Variants in TRPC4AP observed in about 807,000 individuals in gnomAD.
TRPC4AP encodes the protein short transient receptor potential channel 4-associated protein.
Under a neutral mutation model 99.0 loss-of-function variants are expected in TRPC4AP, and 45 were observed. The ratio of observed to expected loss-of-function variants is 0.45; its 90% confidence interval spans 0.36 to 0.58. The LOEUF (loss-of-function observed/expected upper bound fraction) is 0.58. TRPC4AP is among the 20% of genes least tolerant of loss of function. TRPC4AP has a pLI of 0.00. For missense variants in TRPC4AP, 879 were observed against 985.3 expected (o/e 0.89, Z 1.44); for synonymous variants, 408 against 385.8 (o/e 1.06, Z -0.67).
At chr20:35,022,303 G>GCC (rs2082909687) in intron 8 of TRPC4AP, among the ~76,000 whole-genome samples, 1 of 152,188 alleles carries the variant, frequency 6.6e-6, no homozygotes, top group Non-Finnish European at 1.5e-5. Flanking sequence ...CTACAGGCAT[G>GCC]TGCCACCACG....
chr20:35,046,631 C>G (rs1011392404), intron 6 of TRPC4AP, among the ~76,000 whole-genome samples: 1 of 152,174 alleles, frequency 6.6e-6, no homozygotes, highest in Admixed American at 6.5e-5. Context: ...GAATCCCATA[C>G]TCGCCTCTAT....
Position 35,004,583 on chromosome 20 carries a change from G to A in TRPC4AP, c.1937-13C>T, listed in dbSNP as rs775539562. On this transcript the variant is annotated splice_polypyrimidine_tract_variant and intron_variant, in intron 16 of 18. Transcript: ENST00000252015. ...AGTACCTCGGCAACTGTGGAGGGAG[G>A]CAGGGGTGCAGCAGGTCAGGCTTAG... is the stretch of plus-strand genomic sequence containing the variant. 6.2e-6 allele frequency: 10 copies of A among 1,610,334 alleles called. No individual in the cohort carries two copies. In the South Asian group the frequency reaches 1.1e-4, roughly 18 times the overall value.
chr20:35,021,255 T>C lies in TRPC4AP; in HGVS notation c.1153A>G (p.Ile385Val). The C allele has an allele frequency of 6.2e-7, 1 of 1,614,102 alleles. No individual in the cohort carries two copies. ...TAGAGCACTTCCAGTTTGTACATGA[T>C]CTCATGCATAATCTTCATTGACTGG... ...LPQSMKIMHE[I>V]MYKLEVLYVL... The change falls in exon 9 of 19, where the codon ATC becomes GTC. Residue 385 changes from isoleucine to valine, a missense_variant. Physicochemically the swap from Ile to Val is conservative, Grantham distance 29. Around this residue, in one of 3 missense-constraint regions of TRPC4AP, gnomAD observed 603 missense variants for 631.8 expected, o/e 0.95. Coordinates refer to ENST00000252015, the MANE Select transcript of TRPC4AP (RefSeq NM_015638.3).
At chr20:35,044,257 G>GGT (rs2083504249) in intron 7 of TRPC4AP, among the ~76,000 whole-genome samples, 1 of 151,628 alleles carries the variant, frequency 6.6e-6, no homozygotes, top group Non-Finnish European at 1.5e-5. Flanking sequence ...CCGGTGTGGT[G>GGT]GCACCTGCCT....
intron 3 of TRPC4AP, among the ~76,000 whole-genome samples, chr20:35,061,292 A>G (rs1482820338): frequency 1.3e-5 from 2 of 152,266 alleles, no homozygotes; most frequent in Non-Finnish European, 2.9e-5. Context: ...TAACAAGTGC[A>G]AGACTTGTAC....
chr20:35,015,276 C>T (rs968580043), intron 10 of TRPC4AP, among the ~76,000 whole-genome samples: 1 of 151,786 alleles, frequency 6.6e-6, no homozygotes, highest in Non-Finnish European at 1.5e-5. Context: ...GCTGGGATTA[C>T]GGGTGTGACC....
At chr20:35,092,394 C>T (rs2085097880) in intron 1 of TRPC4AP, among the ~76,000 whole-genome samples, 1 of 152,252 alleles carries the variant, frequency 6.6e-6, no homozygotes, top group Admixed American at 6.5e-5. Context: ...GTGTCCACAG[C>T]AGCCCAGCCC....
rs1417724877 is a variant in TRPC4AP at position 35,057,513 on chromosome 20, CT to C, written c.472del (p.Ile158Ter). The C allele has an allele frequency of 6.2e-7, 1 of 1,611,340 alleles. No individual in the cohort carries two copies. The highest frequency in any genetic ancestry group is 2.2e-5 in the East Asian group (1 of 44,720). Reference sequence around the variant, plus strand: ...GACCAGTAGCTAATAGGTATACTTACTTTTCAGTTTCTGTCCCCGGATAGAG... The same window carrying C: ...GACCAGTAGCTAATAGGTATACTTACTTTCAGTTTCTGTCCCCGGATAGAG... ...TISIRGQKLK[I>X]SDEMSKDCLS... On this transcript the variant is annotated frameshift_variant and splice_region_variant, in exon 4 of 19. Transcript: ENST00000252015. LOFTEE classifies it high-confidence loss of function.
At chr20:35,038,221 C>T (rs1042235677) in intron 7 of TRPC4AP, among the ~76,000 whole-genome samples, 2 of 150,886 alleles carry the variant, frequency 1.3e-5, no homozygotes, top group South Asian at 2.1e-4. Context: ...TTTTATGTTA[C>T]GTGACTTCCA....
intron 7 of TRPC4AP, among the ~76,000 whole-genome samples, chr20:35,044,008 G>C (rs1483021878): frequency 6.6e-6 from 1 of 152,150 alleles, no homozygotes; most frequent in Non-Finnish European, 1.5e-5. Flanking sequence ...CAAATCTAAT[G>C]AAAGGTATGG....
chr20:35,035,352 C>G (rs1435091822), intron 7 of TRPC4AP, 44 bp from the exon 8 acceptor site: 3 of 1,587,824 alleles, frequency 1.9e-6, no homozygotes, highest in Non-Finnish European at 2.6e-6. Context: ...AAATAGAGAC[C>G]AGCAAAACTA....
chr20:35,029,880 C>T (rs1486596840), intron 8 of TRPC4AP, among the ~76,000 whole-genome samples: 2 of 146,914 alleles, frequency 1.4e-5, no homozygotes, highest in Admixed American at 6.7e-5. Flanking sequence ...TCGTGATCCG[C>T]CCACCTCAGA....
intron 5 of TRPC4AP, among the ~76,000 whole-genome samples, chr20:35,051,605 ACT>A (rs2083702234): frequency 6.7e-6 from 1 of 150,252 alleles, no homozygotes. Flanking sequence ...CAGTCGTAGC[ACT>A]GACACATTAA....
At chr20:35,024,825 CAAAAAAAA>C (rs778161091) in intron 8 of TRPC4AP, among the ~76,000 whole-genome samples, 623 of 35,882 alleles carry the variant, frequency 0.017, 49 homozygotes, top group African/African-American at 0.066. Flanking sequence ...GAGACCGTCT[CAAAAAAAA>C]AAAAAAAAAA....
At chr20:35,060,100 A>C (rs943713344) in intron 3 of TRPC4AP, among the ~76,000 whole-genome samples, 1 of 152,224 alleles carries the variant, frequency 6.6e-6, no homozygotes, top group South Asian at 2.1e-4. Context: ...ACATTTAAAG[A>C]ATGATCAATT....
chr20:35,020,158 C>T (rs2082852279), intron 9 of TRPC4AP, among the ~76,000 whole-genome samples: 1 of 152,182 alleles, frequency 6.6e-6, no homozygotes, highest in Non-Finnish European at 1.5e-5. Context: ...TCCCACCAGT[C>T]CCACCATCAA....
intron 10 of TRPC4AP, among the ~76,000 whole-genome samples, chr20:35,015,137 T>C (rs1316778048): frequency 1.4e-5 from 2 of 145,786 alleles, no homozygotes; most frequent in Admixed American, 6.8e-5. Flanking sequence ...GTAGCAGGGA[T>C]TACAGGTGCC....
chr20:35,075,816 T>C (rs1337220925), intron 2 of TRPC4AP, among the ~76,000 whole-genome samples: 2 of 152,236 alleles, frequency 1.3e-5, no homozygotes, highest in African/African-American at 2.4e-5. Flanking sequence ...CCTTGCTAGA[T>C]TGGGGAAGTT....
chr20:35,084,674 A>ATGTATGTT (rs2084776501), intron 1 of TRPC4AP, among the ~76,000 whole-genome samples: 2 of 123,970 alleles, frequency 1.6e-5, no homozygotes, highest in African/African-American at 7.7e-5. Context: ...GTGTATATGT[A>ATGTATGTT]TATATGTTTA....
Sources: allele counts gnomAD v4.1 joint callset (sites outside exome capture counted in the v4.1 genomes callset), GRCh38; gene constraint gnomAD v4.1.1; regional missense constraint gnomAD v4.1.1; transcripts MANE v1.5; gene names NCBI Gene and HGNC (gene_info 2026-07-23, HGNC 2026-07-21).